The following ZNF423 variants were observed in gnomAD, a reference collection of about 807,000 sequenced individuals.
ZNF423 encodes zinc finger protein 423.
ZNF423 carries 12 observed loss-of-function variants against 95.8 expected under a neutral mutation model. The observed-to-expected ratio is 0.13, with a 90% CI of 0.08 to 0.20. The LOEUF is 0.20. Among genes scored for constraint, ZNF423 ranks in the 10% least tolerant of loss-of-function variants. The pLI is 1.00. For synonymous variants in ZNF423, 749 were observed against 711.9 expected (o/e 1.05, Z -0.83); for missense variants, 1,316 against 1,737.1 (o/e 0.76, Z 4.31).
intron 1 of ZNF423, among the ~76,000 whole-genome samples, chr16:49,840,704 CGCAT>C (rs1419248451): frequency 3.3e-5 from 5 of 152,032 alleles, no homozygotes; most frequent in African/African-American, 9.7e-5. Context: ...TACACACTCT[CGCAT>C]GCATCCACAT....
At chr16:49,839,630 C>T (rs1353919265) in intron 1 of ZNF423, among the ~76,000 whole-genome samples, 4 of 152,180 alleles carry the variant, frequency 2.6e-5, no homozygotes, top group African/African-American at 9.7e-5. Context: ...GCGGCTTCTG[C>T]CCAGAAACAG....
chr16:49,682,217 T>C (rs2031389678), intron 3 of ZNF423, among the ~76,000 whole-genome samples: 1 of 152,108 alleles, frequency 6.6e-6, no homozygotes. Flanking sequence ...GCCTTCCTCC[T>C]GCCCCTTTTT....
chr16:49,669,306 A>C (rs1046487735), intron 3 of ZNF423, among the ~76,000 whole-genome samples: 2 of 151,692 alleles, frequency 1.3e-5, no homozygotes, highest in Admixed American at 6.6e-5. Context: ...TCCAGCCTGG[A>C]TAACAAGAGC....
intron 5 of ZNF423, among the ~76,000 whole-genome samples, chr16:49,573,720 G>A (rs1049570482): frequency 1.3e-5 from 2 of 152,118 alleles, no homozygotes; most frequent in Admixed American, 1.3e-4. Context: ...AAATTTGGGG[G>A]ACACATTCAA....
chr16:49,800,779 C>T (rs372330031), intron 1 of ZNF423, among the ~76,000 whole-genome samples: 6 of 152,288 alleles, frequency 3.9e-5, no homozygotes, highest in African/African-American at 1.2e-4. Flanking sequence ...AACAAAGCCC[C>T]AGGGAGCCAC....
intron 1 of ZNF423, among the ~76,000 whole-genome samples, chr16:49,851,411 A>G (rs1342926355): frequency 2.3e-4 from 35 of 152,220 alleles, no homozygotes; most frequent in Admixed American, 2.3e-3. Flanking sequence ...AGACTATTAA[A>G]TCCTACATCA....
In ZNF423 at chr16:49,488,429, T is replaced by G. The variant is rs892543711; in HGVS notation, c.*2846A>C. 6.6e-6 allele frequency: 1 copy of G among 152,238 alleles called. No individual in the cohort carries two copies. Among genetic ancestry groups the G allele is most frequent in the African/African-American group, 2.4e-5 (1 of 41,466 alleles). The allele number at this position is 152,238 out of a possible 1,614,324, so 9.4% of individuals were successfully genotyped here. A position where few individuals can be genotyped will look rare whatever the true frequency, so the allele number is the denominator to read the frequency against. On this transcript the variant is annotated 3_prime_UTR_variant, in exon 8 of 8. Transcript: ENST00000563137. ...AAAATTCCTCTGCCCAGAGAGCCGCTAGAAACTGACAATTTGTACATCTAA... is the reference window on the plus strand; with the variant it reads ...AAAATTCCTCTGCCCAGAGAGCCGCGAGAAACTGACAATTTGTACATCTAA...
In ZNF423 at chr16:49,489,544, C is replaced by T. The variant is rs193907; in HGVS notation, c.*1731G>A. The T allele has an allele frequency of 0.12, 18,805 of 152,242 alleles. 1,872 individuals are homozygous for T. The highest frequency in any genetic ancestry group is 0.28 in the African/African-American group (11,470 of 41,514). 9.4% of individuals were successfully genotyped at this position (152,242 alleles called of 1,614,324 possible). A position where few individuals can be genotyped will look rare whatever the true frequency, so the allele number is the denominator to read the frequency against. On this transcript the variant is annotated 3_prime_UTR_variant, in exon 8 of 8. Transcript: ENST00000563137. ...CTTTTGAAAAACTGAAAGCCCCACCCGCGTGAGAACATTACATGAGGTGAC... is the reference window on the plus strand; with the variant it reads ...CTTTTGAAAAACTGAAAGCCCCACCTGCGTGAGAACATTACATGAGGTGAC...
chr16:49,670,266 T>C (rs1454488426), intron 3 of ZNF423, among the ~76,000 whole-genome samples: 1 of 152,200 alleles, frequency 6.6e-6, no homozygotes, highest in African/African-American at 2.4e-5. Context: ...ACCCACTGGT[T>C]GAGTTCTCCC....
intron 3 of ZNF423, among the ~76,000 whole-genome samples, chr16:49,677,768 AAG>A (rs371974425): frequency 1.2e-3 from 180 of 147,714 alleles, no homozygotes; most frequent in African/African-American, 4.3e-3. Context: ...AAAAAAAAAA[AAG>A]AGAGAGAGAG....
intron 2 of ZNF423, among the ~76,000 whole-genome samples, chr16:49,785,912 C>T (rs1270568331): frequency 6.6e-6 from 1 of 152,232 alleles, no homozygotes; most frequent in African/African-American, 2.4e-5. Flanking sequence ...ACGAACTCCC[C>T]TGAAGTCACA....
At chr16:49,633,336 A>G (rs929505217) in intron 4 of ZNF423, among the ~76,000 whole-genome samples, 6 of 152,212 alleles carry the variant, frequency 3.9e-5, no homozygotes, top group Non-Finnish European at 8.8e-5. Context: ...TAATTTACAC[A>G]TTTAATCCTC....
At chr16:49,561,454 C>T (rs1287976891) in intron 5 of ZNF423, among the ~76,000 whole-genome samples, 4 of 152,248 alleles carry the variant, frequency 2.6e-5, no homozygotes, top group Non-Finnish European at 4.4e-5. Flanking sequence ...CATGCACGTA[C>T]TTTTAACCTT....
At chr16:49,643,233 A>T (rs1031192875) in intron 3 of ZNF423, among the ~76,000 whole-genome samples, 1 of 152,138 alleles carries the variant, frequency 6.6e-6, no homozygotes, top group African/African-American at 2.4e-5. Flanking sequence ...CAACATGAAC[A>T]TTCCAGAATT....
At chr16:49,503,332 G>C (rs1217321591) in intron 7 of ZNF423, among the ~76,000 whole-genome samples, 1 of 152,082 alleles carries the variant, frequency 6.6e-6, no homozygotes, top group East Asian at 1.9e-4. Flanking sequence ...CTGTAGAAGG[G>C]TTTCTGCTTT....
At chr16:49,529,969 C>T (rs1317742722) in intron 5 of ZNF423, among the ~76,000 whole-genome samples, 1 of 152,070 alleles carries the variant, frequency 6.6e-6, no homozygotes, top group East Asian at 1.9e-4. Flanking sequence ...AGGAGAAGAC[C>T]AATGACTTCC....
chr16:49,803,406 C>T (rs959344817), intron 1 of ZNF423, among the ~76,000 whole-genome samples: 15 of 152,292 alleles, frequency 9.8e-5, no homozygotes, highest in South Asian at 4.1e-4. Context: ...AGAATCCACG[C>T]TGCAACACAT....
At chr16:49,763,981 G>T (rs1248856777) in intron 2 of ZNF423, among the ~76,000 whole-genome samples, 1 of 152,218 alleles carries the variant, frequency 6.6e-6, no homozygotes, top group East Asian at 1.9e-4. Context: ...TGTGCAGAAA[G>T]TCTCACGGCT....
intron 7 of ZNF423, among the ~76,000 whole-genome samples, chr16:49,520,439 G>A (rs1490531613): frequency 6.6e-6 from 1 of 152,216 alleles, no homozygotes; most frequent in Non-Finnish European, 1.5e-5. Flanking sequence ...AGGGAGACAT[G>A]TCAATGTTGA....
Sources: gnomAD v4.1 joint callset for allele counts (sites outside exome capture counted in the v4.1 genomes callset) on GRCh38, gnomAD v4.1.1 for gene constraint, MANE v1.5 for transcripts, NCBI Gene and HGNC (gene_info 2026-07-23, HGNC 2026-07-21) for gene names.